DOCK10: variants seen among roughly 807,000 people sequenced by gnomAD.
DOCK10 encodes dedicator of cytokinesis 10.
In DOCK10, 145 loss-of-function variants were observed where a neutral mutation model predicts 280.1. The observed-to-expected ratio is 0.52, with a 90% CI of 0.45 to 0.59. The LOEUF (loss-of-function observed/expected upper bound fraction) is 0.59, where lower values mean the gene tolerates loss of function less well. DOCK10 is among the 20% of genes least tolerant of loss of function. DOCK10 has a pLI of 0.00. For missense variants in DOCK10, 2,368 were observed against 2,651.7 expected, an observed-to-expected ratio of 0.89 and a Z score of 2.35; for synonymous variants, 915 against 942.2, an observed-to-expected ratio of 0.97 and a Z score of 0.53.
intron 45 of DOCK10, 146 bp downstream of exon 45, chr2:224,794,733 G>A (rs2125127459): frequency 1.4e-6 from 1 of 714,830 alleles, no homozygotes; most frequent in South Asian, 1.8e-5. Flanking sequence ...ATATGGAAAT[G>A]TATTGTATAT....
chr2:224,895,229 G>A (rs922072514), intron 4 of DOCK10, among the ~76,000 whole-genome samples: 1 of 152,182 alleles, frequency 6.6e-6, no homozygotes, highest in Admixed American at 6.5e-5. Flanking sequence ...ATGCTTCCAA[G>A]TATACAAGTC....
At chr2:224,800,823 C>G (rs1326684132) in intron 40 of DOCK10, among the ~76,000 whole-genome samples, 2 of 152,072 alleles carry the variant, frequency 1.3e-5, no homozygotes, top group Non-Finnish European at 2.9e-5. Flanking sequence ...AACATGTGCC[C>G]AAGGTGTTTG....
chr2:224,791,340 A>G (rs1238189496), intron 47 of DOCK10, among the ~76,000 whole-genome samples: 1 of 152,132 alleles, frequency 6.6e-6, no homozygotes. Flanking sequence ...AAGCAAGAAG[A>G]TTCCTGAATT....
intron 1 of DOCK10, among the ~76,000 whole-genome samples, chr2:225,000,205 G>GAC (rs773265503): frequency 0.074 from 8,948 of 121,180 alleles, 899 homozygotes; most frequent in African/African-American, 0.22. Flanking sequence ...CACACACACA[G>GAC]ACACACACAC....
At chr2:224,938,183 T>G (rs1702800949) in intron 1 of DOCK10, among the ~76,000 whole-genome samples, 1 of 152,194 alleles carries the variant, frequency 6.6e-6, no homozygotes, top group Admixed American at 6.5e-5. Context: ...CTTTGAGAAG[T>G]TGTATGTTCT....
chr2:224,929,520 C>G (rs1702207699), intron 2 of DOCK10, among the ~76,000 whole-genome samples: 1 of 152,064 alleles, frequency 6.6e-6, no homozygotes, highest in Non-Finnish European at 1.5e-5. Context: ...TGGGCAAGGA[C>G]CACATCTCGA....
chr2:225,039,802 C>G (rs879386067), intron 1 of DOCK10, among the ~76,000 whole-genome samples: 1 of 152,162 alleles, frequency 6.6e-6, no homozygotes, highest in Non-Finnish European at 1.5e-5. Context: ...AATTCAAACC[C>G]TATGGCAATC....
chr2:224,797,235 T>A, intron 42 of DOCK10, 89 bp from the exon 43 acceptor site: 3 of 974,910 alleles, frequency 3.1e-6, no homozygotes, highest in Non-Finnish European at 2.8e-6. Flanking sequence ...TAAAACAAAA[T>A]CCCTCTCCTT....
At chr2:224,775,462 T>G (rs1449348681) in intron 51 of DOCK10, among the ~76,000 whole-genome samples, 3 of 125,062 alleles carry the variant, frequency 2.4e-5, no homozygotes, top group Non-Finnish European at 3.3e-5. Context: ...CTTTTATTTT[T>G]CATTTTATTT....
intron 1 of DOCK10, among the ~76,000 whole-genome samples, chr2:224,977,004 T>C (rs1705482938): frequency 6.6e-6 from 1 of 151,900 alleles, no homozygotes; most frequent in Non-Finnish European, 1.5e-5. Context: ...GTCAGGGAGG[T>C]CTTGGAGCAG....
chr2:224,823,414 T>A (rs1354501297), intron 28 of DOCK10, 87 bp downstream of exon 28: 4 of 1,150,816 alleles, frequency 3.5e-6, no homozygotes, highest in Non-Finnish European at 4.6e-6. Context: ...TCATCATACA[T>A]GAAGATGTGA....
intron 1 of DOCK10, among the ~76,000 whole-genome samples, chr2:224,974,181 C>T (rs767347805): frequency 6.6e-6 from 1 of 152,152 alleles, no homozygotes; most frequent in South Asian, 2.1e-4. Flanking sequence ...CTGTGCCTAC[C>T]AAATGCAAGG....
intron 11 of DOCK10, among the ~76,000 whole-genome samples, chr2:224,865,887 TTACACACA>T (rs1697877561): frequency 1.3e-5 from 2 of 150,424 alleles, no homozygotes; most frequent in African/African-American, 4.9e-5. Context: ...TCTCTCTCTC[TTACACACA>T]TACACACACA....
At chr2:224,909,807 T>TTTTTTTTGTTTTGTTTTTTGTTTTTTTAG (rs1553611074) in intron 3 of DOCK10, among the ~76,000 whole-genome samples, 1 of 151,962 alleles carries the variant, frequency 6.6e-6, no homozygotes. Flanking sequence ...TGCAGTGTTT[T>TTTTTTTTGTTTTGTTTTTTGTTTTTTTAG]AATGGATGTG....
In DOCK10 at chr2:224,789,047, G is replaced by T. The variant is rs1381080699; in HGVS notation, c.5418+17C>A. Reference sequence around the variant, plus strand: ...CTCTTTCCTTCGTTACTGTACATGAGATAATTTTGGTCTAACCTCATTGTA... The same window carrying T: ...CTCTTTCCTTCGTTACTGTACATGATATAATTTTGGTCTAACCTCATTGTA... On this transcript the variant is annotated intron_variant, in intron 48 of 55. Transcript: ENST00000258390. 1 of 1,530,396 alleles carries T rather than the reference G, an allele frequency of 6.5e-7. No individual in the cohort carries two copies. Among genetic ancestry groups the T allele is most frequent in the Non-Finnish European group, 9.0e-7 (1 of 1,105,164 alleles). The allele number at this position is 1,530,396 out of a possible 1,614,324, so 94.8% of individuals were successfully genotyped here.
chr2:224,915,475 T>TG lies in DOCK10; in HGVS notation c.333+1219dup, dbSNP rs1392456186. On this transcript the variant is annotated intron_variant, in intron 3 of 55. Transcript: ENST00000258390. ...GGAAATACATTCAAAATAATGGAAT[T>TG]GGGAAAAAAAAGACCGATAAAACAA... is the stretch of plus-strand genomic sequence containing the variant. Among the ~76,000 whole-genome samples, 7 of 151,984 alleles carry TG rather than the reference T, an allele frequency of 4.6e-5. 1 individual carries two copies.
chr2:224,799,516 C>T lies in DOCK10; in HGVS notation c.4506+635G>A, dbSNP rs1166000290. On this transcript the variant is annotated intron_variant, in intron 41 of 55. Transcript: ENST00000258390. ...ATGTGGAGATATGTTTTCACTTCTCCTGGGCAAATACCTATTACAGTATTG... is the reference window on the plus strand; with the variant it reads ...ATGTGGAGATATGTTTTCACTTCTCTTGGGCAAATACCTATTACAGTATTG... Among the ~76,000 whole-genome samples the T allele has an allele frequency of 2.0e-5, 3 of 152,264 alleles. No homozygotes were observed. In the East Asian group the frequency reaches 5.8e-4, roughly 29 times the overall value.
rs1261279361 is a variant in DOCK10 at position 225,035,640 on chromosome 2, A to AT, written c.123+6611_123+6612insA. 5.9e-4 allele frequency among the ~76,000 whole-genome samples: 80 copies of AT among 135,832 alleles called. 1 individual carries two copies. The highest frequency in any genetic ancestry group is 2.2e-3 in the African/African-American group (69 of 31,942). The allele number at this position is 135,832 out of a possible 152,430, so 89.1% of individuals were successfully genotyped here. A position where few individuals can be genotyped will look rare whatever the true frequency, so the allele number is the denominator to read the frequency against. Reference sequence around the variant, plus strand: ...TGTATTAGTCAGTGCGGGCTGCCATAATAACCAAAGAATCAGTGTTAATTG... The same window carrying AT: ...TGTATTAGTCAGTGCGGGCTGCCATATATAACCAAAGAATCAGTGTTAATTG... On this transcript the variant is annotated intron_variant, in intron 1 of 55. Transcript: ENST00000258390.
intron 1 of DOCK10, among the ~76,000 whole-genome samples, chr2:224,972,387 C>T (rs958140968): frequency 6.6e-6 from 1 of 152,210 alleles, no homozygotes; most frequent in African/African-American, 2.4e-5. Context: ...TTCCACCTAA[C>T]AGATTCCTAC....
Sources: gnomAD v4.1 joint callset for allele counts (sites outside exome capture counted in the v4.1 genomes callset) on GRCh38, gnomAD v4.1.1 for gene constraint, MANE v1.5 for transcripts, NCBI Gene and HGNC (gene_info 2026-07-23, HGNC 2026-07-21) for gene names.